Variants in RPS6KC1 observed in about 807,000 individuals in gnomAD.
RPS6KC1 encodes inactive ribosomal protein S6 kinase delta-1.
Under a neutral mutation model 103.8 loss-of-function variants are expected in RPS6KC1, and 54 were observed. That is an observed-to-expected ratio of 0.52 (90% CI 0.42 to 0.65). The LOEUF (loss-of-function observed/expected upper bound fraction) is 0.65, where lower values mean the gene tolerates loss of function less well. Ranked by LOEUF, RPS6KC1 falls within the 30% of genes least tolerant of loss-of-function variation. RPS6KC1 has a pLI of 0.00. For synonymous variants in RPS6KC1, 439 were observed against 438.7 expected, an observed-to-expected ratio of 1.00 and a Z score of -0.01; for missense variants, 1,151 against 1,253.8, an observed-to-expected ratio of 0.92 and a Z score of 1.24.
the RPS6KC1 span, among the ~76,000 whole-genome samples, chr1:213,688,134 G>A: frequency 1.3e-5 from 2 of 152,066 alleles, no homozygotes; most frequent in East Asian, 3.9e-4. Context: ...GAAATGTTTT[G>A]CCATTCCCCA....
the RPS6KC1 span, among the ~76,000 whole-genome samples, chr1:213,685,182 C>A: frequency 6.6e-6 from 1 of 152,182 alleles, no homozygotes; most frequent in African/African-American, 2.4e-5. Context: ...AGGACAAGAA[C>A]TGCGCTAATT....
intron 14 of RPS6KC1, among the ~76,000 whole-genome samples, chr1:213,272,263 G>C (rs1220523697): frequency 6.6e-6 from 1 of 152,108 alleles, no homozygotes; most frequent in African/African-American, 2.4e-5. Flanking sequence ...TATTACATGA[G>C]GATGAGGGAA....
the RPS6KC1 span, among the ~76,000 whole-genome samples, chr1:213,669,491 C>A: frequency 6.6e-6 from 1 of 152,086 alleles, no homozygotes; most frequent in Non-Finnish European, 1.5e-5. Flanking sequence ...GATCACAGAT[C>A]ACCATAACAG....
chr1:213,242,427 C>T, intron 11 of RPS6KC1, 130 bp downstream of exon 11: 2 of 1,163,014 alleles, frequency 1.7e-6, no homozygotes, highest in Non-Finnish European at 2.5e-6. Context: ...GCAAATTCAC[C>T]CCCAGTAATA....
chr1:213,300,226 G>A, the RPS6KC1 span, among the ~76,000 whole-genome samples: 2 of 152,150 alleles, frequency 1.3e-5, no homozygotes, highest in African/African-American at 4.8e-5. Context: ...AAATTATTTA[G>A]AATTGAATAA....
the RPS6KC1 span, among the ~76,000 whole-genome samples, chr1:213,319,200 G>A: frequency 6.6e-6 from 1 of 151,606 alleles, no homozygotes; most frequent in Non-Finnish European, 1.5e-5. Context: ...CAGCTACTCG[G>A]GAGGCTGAGG....
chr1:213,667,652 A>G, the RPS6KC1 span, among the ~76,000 whole-genome samples: 1 of 152,054 alleles, frequency 6.6e-6, no homozygotes, highest in Non-Finnish European at 1.5e-5. Context: ...TACCACATCT[A>G]TTGACTCTGT....
At chr1:213,769,346 T>C in the RPS6KC1 span, among the ~76,000 whole-genome samples, 1 of 152,118 alleles carries the variant, frequency 6.6e-6, no homozygotes, top group Non-Finnish European at 1.5e-5. Flanking sequence ...TTTCATTCGA[T>C]AGTATGGGAG....
the RPS6KC1 span, among the ~76,000 whole-genome samples, chr1:213,628,168 G>C: frequency 5.1e-4 from 77 of 152,258 alleles, no homozygotes; most frequent in South Asian, 6.9e-3. Flanking sequence ...ATGTGTCGAG[G>C]AATTTATCCA....
At chr1:213,256,503 A>G (rs1371521038) in intron 12 of RPS6KC1, among the ~76,000 whole-genome samples, 1 of 152,086 alleles carries the variant, frequency 6.6e-6, no homozygotes, top group East Asian at 1.9e-4. Flanking sequence ...GCCACATAAA[A>G]TACACTAACA....
At chr1:213,468,457 T>C in the RPS6KC1 span, among the ~76,000 whole-genome samples, 1 of 152,204 alleles carries the variant, frequency 6.6e-6, no homozygotes. Context: ...TGAAGGACTC[T>C]CAGGCTCATT....
chr1:213,337,072 G>T, the RPS6KC1 span, among the ~76,000 whole-genome samples: 1 of 152,324 alleles, frequency 6.6e-6, no homozygotes, highest in African/African-American at 2.4e-5. Flanking sequence ...TGAATGAACT[G>T]CATTGCATGT....
chr1:213,333,980 G>A, the RPS6KC1 span, among the ~76,000 whole-genome samples: 1 of 152,142 alleles, frequency 6.6e-6, no homozygotes, highest in African/African-American at 2.4e-5. Context: ...CTGAGCCAGG[G>A]CAGGACTGGC....
chr1:213,732,673 G>A, the RPS6KC1 span, among the ~76,000 whole-genome samples: 1 of 152,174 alleles, frequency 6.6e-6, no homozygotes, highest in Non-Finnish European at 1.5e-5. Context: ...GATAGTGGGA[G>A]TAGTTGATGT....
the RPS6KC1 span, among the ~76,000 whole-genome samples, chr1:213,729,208 G>A: frequency 1.3e-5 from 2 of 151,966 alleles, no homozygotes; most frequent in Non-Finnish European, 2.9e-5. Context: ...TCAGCATGAC[G>A]GTAGACTTTT....
the RPS6KC1 span, among the ~76,000 whole-genome samples, chr1:213,643,896 G>A: frequency 6.6e-6 from 1 of 151,920 alleles, no homozygotes; most frequent in Admixed American, 6.6e-5. Flanking sequence ...TATTCAGATA[G>A]TTGCAATTTT....
At chr1:213,439,738 A>T in the RPS6KC1 span, among the ~76,000 whole-genome samples, 5 of 152,162 alleles carry the variant, frequency 3.3e-5, no homozygotes, top group Non-Finnish European at 7.4e-5. Flanking sequence ...TTATCCTGTT[A>T]TCACTTTTAC....
intron 5 of RPS6KC1, among the ~76,000 whole-genome samples, chr1:213,117,929 C>G (rs549133158): frequency 4.1e-5 from 6 of 146,462 alleles, no homozygotes; most frequent in African/African-American, 1.3e-4. Context: ...GGCTGAGGCA[C>G]AAGAATCGCT....
chr1:213,265,541 TAGTC>T (rs1299043365), intron 14 of RPS6KC1, among the ~76,000 whole-genome samples: 4 of 151,902 alleles, frequency 2.6e-5, no homozygotes, highest in Admixed American at 2.6e-4. Flanking sequence ...TTCCACATTT[TAGTC>T]AGTAGACATA....
Sources: allele counts gnomAD v4.1 joint callset (sites outside exome capture counted in the v4.1 genomes callset), GRCh38; gene constraint gnomAD v4.1.1; transcripts MANE v1.5; gene names NCBI Gene and HGNC (gene_info 2026-07-23, HGNC 2026-07-21).